FAIM2: variants seen among roughly 807,000 people sequenced by gnomAD.
The protein encoded by FAIM2 is protein lifeguard 2.
In FAIM2, 27 loss-of-function variants were observed where a neutral mutation model predicts 47.4. That is an observed-to-expected ratio of 0.57 (90% CI 0.42 to 0.78). The LOEUF (loss-of-function observed/expected upper bound fraction) is 0.78. FAIM2 is among the 30% of genes least tolerant of loss of function. The probability of loss-of-function intolerance (pLI) is 0.00; values close to 1 mark genes in which losing one functional copy is unlikely to be tolerated. For synonymous variants in FAIM2, 156 were observed against 159.3 expected (o/e 0.98, Z 0.16); for missense variants, 311 against 389.4 (o/e 0.80, Z 1.69).
At chr12:49,879,976 A>G (rs200262804) in intron 11 of FAIM2, among the ~76,000 whole-genome samples, 1 of 90,982 alleles carries the variant, frequency 1.1e-5, no homozygotes, top group Non-Finnish European at 2.2e-5. Context: ...GTGTGTGTAT[A>G]TGTGAGTGTA....
intron 7 of FAIM2, 28 bp downstream of exon 7, chr12:49,890,655 T>G: frequency 6.2e-7 from 1 of 1,609,996 alleles, no homozygotes; most frequent in Non-Finnish European, 8.5e-7. Flanking sequence ...ACTCAGCGTC[T>G]GTCCTCAGCA....
At chr12:49,897,117 G>A (rs764852188) in intron 4 of FAIM2, 33 bp from the exon 5 acceptor site, 5 of 1,549,942 alleles carry the variant, frequency 3.2e-6, no homozygotes, top group Middle Eastern at 1.7e-4. Flanking sequence ...GAGAGAGTCA[G>A]AATGTACCCT....
chr12:49,879,043 A>T (rs1412918765), intron 11 of FAIM2, among the ~76,000 whole-genome samples: 11 of 106,584 alleles, frequency 1.0e-4, no homozygotes, highest in South Asian at 3.3e-4. Flanking sequence ...TGTGTGCATG[A>T]GTTTGTGTAT....
chr12:49,893,775 G>A lies in FAIM2; in HGVS notation c.435-2661C>T, dbSNP rs539825014. 3.3e-5 allele frequency among the ~76,000 whole-genome samples: 5 copies of A among 152,294 alleles called. No individual in the cohort carries two copies. The East Asian group carries it at 5.8e-4, about 18-fold the overall frequency. ...CAGGGGCTGCTGAACATCCTGCTCC[G>A]TGAGGGACAGCAGAGCCATCCTGCC... On this transcript the variant is annotated intron_variant, in intron 5 of 11. Coordinates refer to ENST00000320634, the MANE Select transcript of FAIM2 (RefSeq NM_012306.4).
chr12:49,896,906 G>T, intron 5 of FAIM2, 125 bp downstream of exon 5: 1 of 799,306 alleles, frequency 1.3e-6, no homozygotes, highest in Non-Finnish European at 2.2e-6. Flanking sequence ...GGGGATCTGT[G>T]AGGACAGTCC....
At chr12:49,878,533 C>A (rs1254078638) in intron 11 of FAIM2, among the ~76,000 whole-genome samples, 4 of 104,610 alleles carry the variant, frequency 3.8e-5, no homozygotes, top group African/African-American at 1.6e-4. Context: ...TGTGTATGTG[C>A]ATGTGTATAT....
intron 1 of FAIM2, among the ~76,000 whole-genome samples, chr12:49,903,111 T>G (rs1034497319): frequency 2.0e-5 from 3 of 151,934 alleles, no homozygotes; most frequent in African/African-American, 7.3e-5. Flanking sequence ...TGATGTTACA[T>G]AAGCCTACTA....
rs1946691573 is a variant in FAIM2, at chr12:49,870,148, C to T, written c.*356G>A. On this transcript the variant is annotated 3_prime_UTR_variant, in exon 12 of 12. Transcript: ENST00000320634. The stretch of plus-strand genomic sequence containing the variant: ...AGCCCTAGGAGGAATTGCAGTGGGG[C>T]TCAGGGCTCTGCCGGGCTTCCTGGG... The T allele has an allele frequency of 4.2e-6, 1 of 236,562 alleles. No homozygotes were observed. The highest frequency in any genetic ancestry group is 2.2e-5 in the African/African-American group (1 of 44,560). The allele number at this position is 236,562 out of a possible 1,614,324, so 14.7% of individuals were successfully genotyped here. A position where few individuals can be genotyped will look rare whatever the true frequency, so the allele number is the denominator to read the frequency against.
chr12:49,887,469 C>T (rs770227686), intron 10 of FAIM2, 30 bp from the exon 11 acceptor site: 35 of 1,600,172 alleles, frequency 2.2e-5, no homozygotes, highest in Admixed American at 1.4e-4. Context: ...GGCTTAGGGA[C>T]GACAAGAAGG....
At position 49,870,628 on chromosome 12, in the gene FAIM2, A is replaced by G. The variant is rs781012582; in HGVS notation, c.827T>C (p.Leu276Pro). 1 of 1,614,010 alleles carries G rather than the reference A, an allele frequency of 6.2e-7. No individual in the cohort carries two copies. The highest frequency in any genetic ancestry group is 8.5e-7 in the Non-Finnish European group (1 of 1,179,954). Residue 276 changes from leucine to proline, a missense_variant, in exon 12 of 12, where the codon CTG (leucine) becomes CCG (proline). By Grantham distance (98) the Leu-to-Pro change is moderately conservative (BLOSUM62 -3). Transcript: ENST00000320634. ...CAGCGAGTGGCGTCGGTTACCCATC[A>G]GCAACTGGGTGTCAAGTGCCAGGAA... ...TLFLALDTQLLMGNRRHSLSP... is the reference protein window; with the variant it reads ...TLFLALDTQLPMGNRRHSLSP...
At chr12:49,881,190 G>A (rs547966735) in intron 11 of FAIM2, among the ~76,000 whole-genome samples, 6 of 143,094 alleles carry the variant, frequency 4.2e-5, no homozygotes, top group African/African-American at 1.3e-4. Context: ...CACCCACCCC[G>A]GCTCTGGGAC....
chr12:49,896,348 G>A (rs1284937350), intron 5 of FAIM2, among the ~76,000 whole-genome samples: 3 of 152,114 alleles, frequency 2.0e-5, no homozygotes, highest in Non-Finnish European at 4.4e-5. Context: ...GTTACTGGCC[G>A]GGTTCCTCAA....
rs922863760 is a variant in FAIM2, at chr12:49,869,622, C to T, written c.*882G>A. 1 of 152,428 alleles carries T rather than the reference C, an allele frequency of 6.6e-6. No individual in the cohort carries two copies. The highest frequency in any genetic ancestry group is 1.9e-4 in the East Asian group (1 of 5,188). The allele number at this position is 152,428 out of a possible 1,614,324, so 9.4% of individuals were successfully genotyped here. On this transcript the variant is annotated 3_prime_UTR_variant, in exon 12 of 12. Transcript: ENST00000320634. ...AACATCCAGCCGGAGGGCCCAATCA[C>T]ACCTCACTCAGCCTTAGGCCTGTGG... is the stretch of plus-strand genomic sequence containing the variant.
chr12:49,884,231 A>AC (rs200928009), intron 11 of FAIM2, among the ~76,000 whole-genome samples: 3,706 of 68,230 alleles, frequency 0.054, 155 homozygotes, highest in African/African-American at 0.23. Flanking sequence ...CTCAGAAAAA[A>AC]AAAAAAACAA....
intron 11 of FAIM2, among the ~76,000 whole-genome samples, chr12:49,878,980 A>T (rs1465971157): frequency 7.7e-6 from 1 of 129,638 alleles, no homozygotes; most frequent in African/African-American, 3.0e-5. Flanking sequence ...GTGTATATGT[A>T]TGCATATGAG....
In FAIM2 at chr12:49,874,610, G is replaced by A. The variant is rs1433190446; in HGVS notation, c.802-3957C>T. Among the ~76,000 whole-genome samples the A allele has an allele frequency of 6.6e-6, 1 of 152,242 alleles. No individual in the cohort carries two copies. Among genetic ancestry groups the A allele is most frequent in the Non-Finnish European group, 1.5e-5 (1 of 68,044 alleles). ...CCTCCCTGAATGTGGCCCCAGAGGT[G>A]ACGCTGAGGGGCTCTGGGCAGTGCA... is the stretch of plus-strand genomic sequence containing the variant. On this transcript the variant is annotated intron_variant, in intron 11 of 11. Transcript: ENST00000320634. The surrounding 1 kb of genome is among the most constrained non-coding windows in gnomAD (Gnocchi z 4.2).
At chr12:49,894,027 C>A (rs988320207) in intron 5 of FAIM2, among the ~76,000 whole-genome samples, 1 of 152,188 alleles carries the variant, frequency 6.6e-6, no homozygotes, top group African/African-American at 2.4e-5. Flanking sequence ...GGCAGAGGGG[C>A]CAAAGACCCT....
In FAIM2 at chr12:49,879,469, CAT is replaced by C. The variant is rs1565614065; in HGVS notation, c.801+7915_801+7916del. 3.2e-3 allele frequency among the ~76,000 whole-genome samples: 474 copies of C among 149,636 alleles called. 2 individuals are homozygous for C. The highest frequency in any genetic ancestry group is 0.011 in the East Asian group (55 of 5,012). The stretch of plus-strand genomic sequence containing the variant: ...ATGTGTGTGCATACGTGTATATGTG[CAT>C]GTGTATGTGCATGTGAGTGTATGTG... On this transcript the variant is annotated intron_variant, in intron 11 of 11. Coordinates refer to ENST00000320634, the MANE Select transcript of FAIM2 (RefSeq NM_012306.4).
At chr12:49,879,767 C>CATGTGTGTATGAGTGTGCAT (rs1946791214) in intron 11 of FAIM2, among the ~76,000 whole-genome samples, 1 of 148,422 alleles carries the variant, frequency 6.7e-6, no homozygotes, top group African/African-American at 2.5e-5. Context: ...TGTGTGTGCA[C>CATGTGTGTATGAGTGTGCAT]GTGTGTATAT....
Sources: allele counts gnomAD v4.1 joint callset (sites outside exome capture counted in the v4.1 genomes callset), GRCh38; gene constraint gnomAD v4.1.1; non-coding constraint Gnocchi (gnomAD v3.1); transcripts MANE v1.5; gene names NCBI Gene and HGNC (gene_info 2026-07-23, HGNC 2026-07-21).